Variants in ZFC3H1 observed in about 807,000 individuals in gnomAD.
ZFC3H1 encodes the protein zinc finger C3H1-type containing, also known as zinc finger C3H1 domain-containing protein.
A neutral mutation model predicts 243.7 loss-of-function variants in ZFC3H1; 71 were observed. That is an observed-to-expected ratio of 0.29 (90% CI 0.24 to 0.36). The LOEUF (loss-of-function observed/expected upper bound fraction) is 0.36, where lower values mean the gene tolerates loss of function less well. ZFC3H1 is among the 10% of genes least tolerant of loss of function. The pLI is 1.00. For synonymous variants in ZFC3H1, 838 were observed against 813.0 expected (o/e 1.03, Z -0.52); for missense variants, 1,966 against 2,317.1 (o/e 0.85, Z 3.11).
chr12:71,643,343 G>A lies in ZFC3H1; in HGVS notation c.1503+752C>T, dbSNP rs183473495. On this transcript the variant is annotated intron_variant, in intron 5 of 34. Coordinates refer to ENST00000378743, the MANE Select transcript of ZFC3H1 (RefSeq NM_144982.5). ...CAGGAGAATTGTTTGAACCTGGGAG[G>A]TGGAGGTTGCAGTGAGCCGAAACAT... Among the ~76,000 whole-genome samples, 306 of 151,926 alleles carry A rather than the reference G, an allele frequency of 2.0e-3. 2 individuals carry two copies. Among genetic ancestry groups the A allele is most frequent in the African/African-American group, 6.9e-3 (285 of 41,414 alleles).
intron 27 of ZFC3H1, among the ~76,000 whole-genome samples, chr12:71,618,427 T>C (rs1295220606): frequency 6.6e-6 from 1 of 152,200 alleles, no homozygotes; most frequent in Non-Finnish European, 1.5e-5. Context: ...CTTTCTTCTC[T>C]TGTTCTTCCT....
At chr12:71,623,122 C>T (rs1171704483) in intron 24 of ZFC3H1, among the ~76,000 whole-genome samples, 7 of 151,844 alleles carry the variant, frequency 4.6e-5, no homozygotes, top group African/African-American at 1.5e-4. Context: ...ATATCCTTTG[C>T]CACAATCAGA....
chr12:71,640,347 G>T (rs1464682105), intron 6 of ZFC3H1, among the ~76,000 whole-genome samples: 1 of 152,196 alleles, frequency 6.6e-6, no homozygotes, highest in Non-Finnish European at 1.5e-5. Flanking sequence ...ACACAGGAAA[G>T]AAGCTGACAG....
At chr12:71,629,258 C>T (rs141314732) in intron 19 of ZFC3H1, among the ~76,000 whole-genome samples, 4,727 of 151,312 alleles carry the variant, frequency 0.031, 214 homozygotes, top group African/African-American at 0.11. Flanking sequence ...CTCCGCCTCT[C>T]GGGTTCAAGT....
chr12:71,615,817 C>T (rs1422772111), intron 27 of ZFC3H1, among the ~76,000 whole-genome samples: 2 of 152,092 alleles, frequency 1.3e-5, no homozygotes, highest in Non-Finnish European at 2.9e-5. Flanking sequence ...TGCGCCTGGC[C>T]ACAGTTTTAT....
intron 2 of ZFC3H1, among the ~76,000 whole-genome samples, chr12:71,649,405 C>T (rs1880822772): frequency 6.6e-6 from 1 of 152,202 alleles, no homozygotes. Flanking sequence ...CACAGGTGTA[C>T]TTCAGGTCTA....
chr12:71,633,299 C>T lies in ZFC3H1; in HGVS notation c.2650G>A (p.Val884Ile). 1 of 1,594,056 alleles carries T rather than the reference C, an allele frequency of 6.3e-7. No individual in the cohort carries two copies. The highest frequency in any genetic ancestry group is 8.5e-7 in the Non-Finnish European group (1 of 1,173,268). Residue 884 changes from valine (V) to isoleucine (I), a missense_variant, in exon 13 of 35, where the codon GTT becomes ATT. Coordinates refer to ENST00000378743, the MANE Select transcript of ZFC3H1 (RefSeq NM_144982.5). ...AGCTTCTTCAAAAACATTCTGTTAA[C>T]ATTAAGAATTTTTTCAGTTGCTTGA... ...QLQATEKILN[V>I]NRMFLKKLQE...
At chr12:71,629,877 T>G (rs1319153376) in intron 18 of ZFC3H1, among the ~76,000 whole-genome samples, 167 bp from the exon 19 acceptor site, 1 of 151,294 alleles carries the variant, frequency 6.6e-6, no homozygotes, top group East Asian at 1.9e-4. Flanking sequence ...TTAACTACTA[T>G]GGCAAATCCT....
chr12:71,663,102 G>A lies in ZFC3H1; in HGVS notation c.509C>T (p.Pro170Leu). Reference sequence around the variant, plus strand: ...TCCTCCCAGAGGAGGTCTGCACCCCGGCTTGCCTCCTCGCTCACCCACTCC... The same window carrying A: ...TCCTCCCAGAGGAGGTCTGCACCCCAGCTTGCCTCCTCGCTCACCCACTCC... Reference protein sequence around the residue: ...GRGVGERGGKPGCRPPLGGGA... With the variant: ...GRGVGERGGKLGCRPPLGGGA... Residue 170 changes from proline (P) to leucine (L), a missense_variant, in exon 1 of 35, where the codon CCG becomes CTG. Pro to Leu is a moderately conservative substitution (Grantham distance 98). This residue lies in a region of ZFC3H1 where 484 missense variants were observed against 449.7 expected (regional missense o/e 1.08). Coordinates refer to ENST00000378743, the MANE Select transcript of ZFC3H1 (RefSeq NM_144982.5). 6.2e-7 allele frequency: 1 copy of A among 1,614,038 alleles called. No individual in the cohort carries two copies. Among genetic ancestry groups the A allele is most frequent in the Non-Finnish European group, 8.5e-7 (1 of 1,180,008 alleles).
Position 71,663,459 on chromosome 12 carries a change from G to A in ZFC3H1, c.152C>T (p.Pro51Leu). The change falls in exon 1 of 35, where the codon CCC becomes CTC. Residue 51 changes from proline (P) to leucine (L), a missense_variant. This residue lies in a region of ZFC3H1 where 484 missense variants were observed against 449.7 expected (regional missense o/e 1.08). Coordinates refer to ENST00000378743, the MANE Select transcript of ZFC3H1 (RefSeq NM_144982.5). ...GTGAGGAGGCCTTCGCCGCGGATAG[G>A]GTAACAGCCCGCCGCCGCTGCTGCT... ...SSSSSGGGLL[P>L]YPRRRPPHSA... 1 of 1,612,484 alleles carries A rather than the reference G, an allele frequency of 6.2e-7. No individual in the cohort carries two copies. The highest frequency in any genetic ancestry group is 1.1e-5 in the South Asian group (1 of 91,088).
In ZFC3H1 at chr12:71,632,659, G is replaced by A. The variant is rs191744391; in HGVS notation, c.2818-145C>T. ...GAGAATAAAACAGAGTTTAACATAA[G>A]TAGCCAAAAGTTTTGCTAGTTAATC... is the stretch of plus-strand genomic sequence containing the variant. On this transcript the variant is annotated intron_variant, in intron 14 of 34. Coordinates refer to ENST00000378743, the MANE Select transcript of ZFC3H1 (RefSeq NM_144982.5). The A allele has an allele frequency of 7.9e-5, 99 of 1,252,730 alleles. No individual in the cohort carries two copies. The African/African-American group carries it at 1.5e-3, about 19-fold the overall frequency. The allele number at this position is 1,252,730 out of a possible 1,614,324, so 77.6% of individuals were successfully genotyped here. A position where few individuals can be genotyped will look rare whatever the true frequency, so the allele number is the denominator to read the frequency against.
chr12:71,625,744 C>T (rs1880148881), intron 22 of ZFC3H1, among the ~76,000 whole-genome samples: 1 of 152,048 alleles, frequency 6.6e-6, no homozygotes, highest in Admixed American at 6.6e-5. Context: ...AGGAAGAGGC[C>T]ATTTTTTCTC....
At position 71,657,089 on chromosome 12, in the gene ZFC3H1, T is replaced by C. The variant is rs764302906; in HGVS notation, c.811A>G (p.Ser271Gly). ...PKTLNFEDQT[S>G]TDNVSITKDS... ...TTTGTAATACTGACATTATCAGTGC[T>C]AGTTTGGTCCTCGAAGTTCAATGTT... The change falls in exon 2 of 35, where the codon AGC (serine) becomes GGC (glycine). Residue 271 changes from serine to glycine, a missense_variant. Physicochemically the swap from Ser to Gly is moderately conservative, Grantham distance 56 (BLOSUM62 0). Around this residue, in one of 4 missense-constraint regions of ZFC3H1, gnomAD observed 484 missense variants for 449.7 expected, o/e 1.08. Coordinates refer to ENST00000378743, the MANE Select transcript of ZFC3H1 (RefSeq NM_144982.5). 1.2e-6 allele frequency: 2 copies of C among 1,614,008 alleles called. No homozygotes were observed. The highest frequency in any genetic ancestry group is 1.7e-6 in the Non-Finnish European group (2 of 1,179,936).
rs2304272 is a variant in ZFC3H1, at chr12:71,624,248, A to G, written c.4362T>C (p.Cys1454=). ...CCATCAGAAACTCCAACATTCTCTC[A>G]CATACGTAATCCTTTTCTTCAAAGG... ...ESTFEEKDYV[C]ERMLEFLMGA... The change falls in exon 23 of 35, where the codon TGT becomes TGC. Residue 1454 remains cysteine (C), a synonymous_variant. Transcript: ENST00000378743. 89,121 of 1,613,694 alleles carry G rather than the reference A, an allele frequency of 0.055. 3,411 individuals carry two copies. The highest frequency in any genetic ancestry group is 0.21 in the East Asian group (9,500 of 44,858).
In ZFC3H1 at chr12:71,636,856, C is replaced by T. The variant is rs1880475760; in HGVS notation, c.1929G>A (p.Lys643=). The change falls in exon 8 of 35, where the codon AAG becomes AAA. Residue 643 remains lysine, a synonymous_variant. Transcript: ENST00000378743. ...GTTTAGGTACCTAAATTACCTCTGG[C>T]TTAAAAGCTCTTTTATTTGCTAGAG... ...LKSLANKRAF[K]PEETSSNSDP... 1 of 1,613,910 alleles carries T rather than the reference C, an allele frequency of 6.2e-7. No individual in the cohort carries two copies. The highest frequency in any genetic ancestry group is 1.7e-4 in the Middle Eastern group (1 of 6,056).
chr12:71,655,518 C>G (rs1592603637), intron 2 of ZFC3H1, among the ~76,000 whole-genome samples: 1 of 151,930 alleles, frequency 6.6e-6, no homozygotes, highest in East Asian at 1.9e-4. Flanking sequence ...ATAAATACTA[C>G]AGATAAAAAA....
rs79693975 is a variant in ZFC3H1 at position 71,647,442 on chromosome 12, G to T, written c.1080+307C>A. Reference sequence around the variant, plus strand: ...TTACTCCAAAAGCTTACCCACACAGGATAACACACAAAAAATGGAGAAAAT... The same window carrying T: ...TTACTCCAAAAGCTTACCCACACAGTATAACACACAAAAAATGGAGAAAAT... On this transcript the variant is annotated intron_variant, in intron 3 of 34. Transcript: ENST00000378743. Among the ~76,000 whole-genome samples the T allele has an allele frequency of 4.5e-3, 680 of 152,072 alleles. 6 individuals are homozygous for T. Among genetic ancestry groups the T allele is most frequent in the African/African-American group, 0.016 (654 of 41,494 alleles).
intron 34 of ZFC3H1, 26 bp from the exon 35 acceptor site, chr12:71,610,591 G>A: frequency 1.2e-6 from 2 of 1,612,726 alleles, no homozygotes; most frequent in Middle Eastern, 1.7e-4. Flanking sequence ...AAGCATAGAA[G>A]TAAGACTTAG....
At chr12:71,662,499 C>T in intron 1 of ZFC3H1, among the ~76,000 whole-genome samples, 1 of 134,546 alleles carries the variant, frequency 7.4e-6, no homozygotes, top group African/African-American at 2.7e-5. Context: ...TTTACCCCTC[C>T]CCCCCCCACT....
Sources: gnomAD v4.1 joint callset for allele counts (sites outside exome capture counted in the v4.1 genomes callset) on GRCh38, gnomAD v4.1.1 for gene constraint, gnomAD v4.1.1 regional missense constraint, MANE v1.5 for transcripts, NCBI Gene and HGNC (gene_info 2026-07-23, HGNC 2026-07-21) for gene names.